OLFM2: variants seen among roughly 807,000 people sequenced by gnomAD.
OLFM2 encodes olfactomedin 2.
Under a neutral mutation model 43.9 loss-of-function variants are expected in OLFM2, and 20 were observed. That is an observed-to-expected ratio of 0.46 (90% CI 0.32 to 0.66). The LOEUF is 0.66. Among genes scored for constraint, OLFM2 ranks in the 30% least tolerant of loss-of-function variants. The pLI, the probability that OLFM2 is intolerant of heterozygous loss-of-function variation, is 0.04. For synonymous variants in OLFM2, 268 were observed against 278.6 expected (o/e 0.96, Z 0.38); for missense variants, 416 against 643.6 (o/e 0.65, Z 3.83).
At chr19:9,922,322 G>C (rs548086628) in intron 1 of OLFM2, among the ~76,000 whole-genome samples, 1 of 152,020 alleles carries the variant, frequency 6.6e-6, no homozygotes, top group East Asian at 1.9e-4. Flanking sequence ...GAAAAAACCA[G>C]ACATCTGAAC....
At chr19:9,874,481 TTTTA>T (rs1418276350) in intron 1 of OLFM2, among the ~76,000 whole-genome samples, 33 of 151,810 alleles carry the variant, frequency 2.2e-4, no homozygotes, top group Admixed American at 1.1e-3. Flanking sequence ...CCGGCTTTTA[TTTTA>T]TTTATTTATT....
At chr19:9,912,499 A>G (rs2046835270) in intron 1 of OLFM2, among the ~76,000 whole-genome samples, 1 of 152,064 alleles carries the variant, frequency 6.6e-6, no homozygotes, top group Non-Finnish European at 1.5e-5. Context: ...AGCCCCCCAA[A>G]CAGATGGAAC....
intron 1 of OLFM2, among the ~76,000 whole-genome samples, chr19:9,868,742 A>G (rs1182354415): frequency 6.6e-6 from 1 of 151,786 alleles, no homozygotes; most frequent in African/African-American, 2.4e-5. Flanking sequence ...GGAGTTTGAG[A>G]CCAGCCTGGG....
intron 1 of OLFM2, among the ~76,000 whole-genome samples, chr19:9,923,388 C>T (rs943361603): frequency 1.3e-5 from 2 of 151,604 alleles, no homozygotes; most frequent in East Asian, 3.9e-4. Flanking sequence ...AATCCTGTCT[C>T]TACTAAAAAT....
At chr19:9,930,574 G>A (rs546008539) in intron 1 of OLFM2, among the ~76,000 whole-genome samples, 8 of 151,846 alleles carry the variant, frequency 5.3e-5, no homozygotes, top group South Asian at 2.1e-4. Context: ...GCCCGGCACC[G>A]TGGCTCACGC....
At chr19:9,876,757 T>C (rs1264859970) in intron 1 of OLFM2, among the ~76,000 whole-genome samples, 1 of 152,160 alleles carries the variant, frequency 6.6e-6, no homozygotes, top group African/African-American at 2.4e-5. Context: ...TTAGAGTATA[T>C]AGCTAAGAAT....
chr19:9,856,788 G>A lies in OLFM2; in HGVS notation c.687+19C>T. The stretch of plus-strand genomic sequence containing the variant: ...GTCCCTCCCAGGCCCTGACCCCAGG[G>A]GTGGGCGCAGTCACTCACCCGGCTA... On this transcript the variant is annotated intron_variant, in intron 5 of 5. Coordinates refer to ENST00000264833, the MANE Select transcript of OLFM2 (RefSeq NM_058164.4). This position sits in a 1 kb window ranked among gnomAD's most constrained non-coding sequence, Gnocchi z 4.0. 6.3e-7 allele frequency: 1 copy of A among 1,598,046 alleles called. No individual in the cohort carries two copies. Among genetic ancestry groups the A allele is most frequent in the African/African-American group, 1.3e-5 (1 of 74,734 alleles).
rs1454056141 is a variant in OLFM2 at position 9,936,484 on chromosome 19, C to T, written c.-118G>A. The T allele has an allele frequency of 2.0e-5, 14 of 705,344 alleles. No homozygotes were observed. The highest frequency in any genetic ancestry group is 2.4e-5 in the Non-Finnish European group (14 of 573,500). The allele number at this position is 705,344 out of a possible 1,614,324, so 43.7% of individuals were successfully genotyped here. ...CGGGGCGACCCTGCGCCGCCGCCTC[C>T]CCCGCCTCGCCGGCGGCCGGGATTC... On this transcript the variant is annotated 5_prime_UTR_variant, in exon 1 of 6. Transcript: ENST00000264833.
intron 1 of OLFM2, among the ~76,000 whole-genome samples, chr19:9,930,156 A>G (rs371700242): frequency 4.6e-5 from 7 of 152,106 alleles, no homozygotes; most frequent in African/African-American, 1.7e-4. Context: ...GTCCCTGAAC[A>G]TGCACACAGT....
At position 9,900,945 on chromosome 19, in the gene OLFM2, G is replaced by GGGAAGGAAGGAAGGAAGGAAGGAAGGAA. The variant is rs762692609; in HGVS notation, c.63+35331_63+35358dup. Among the ~76,000 whole-genome samples the GGGAAGGAAGGAAGGAAGGAAGGAAGGAA allele has an allele frequency of 1.7e-3, 33 of 18,942 alleles. 1 individual carries two copies. The highest frequency in any genetic ancestry group is 3.2e-3 in the Admixed American group (4 of 1,256). 12.4% of individuals were successfully genotyped at this position (18,942 alleles called of 152,430 possible). A position where few individuals can be genotyped will look rare whatever the true frequency, so the allele number is the denominator to read the frequency against. On this transcript the variant is annotated intron_variant, in intron 1 of 5. Coordinates refer to ENST00000264833, the MANE Select transcript of OLFM2 (RefSeq NM_058164.4). ...AAAGGGAAAGGGAAGGGGAGGGAAGGGGAAGGAAGGAAGGAAGGAAGGAAG... is the reference window on the plus strand; with the variant it reads ...AAAGGGAAAGGGAAGGGGAGGGAAGGGGAAGGAAGGAAGGAAGGAAGGAAGGAAGGAAGGAAGGAAGGAAGGAAGGAAG...
chr19:9,918,195 C>A (rs1053875288), intron 1 of OLFM2, among the ~76,000 whole-genome samples: 2 of 146,944 alleles, frequency 1.4e-5, no homozygotes, highest in African/African-American at 5.0e-5. Context: ...GTTCTTTTAT[C>A]TTTTTTTTTA....
chr19:9,874,546 T>C (rs1336616987), intron 1 of OLFM2, among the ~76,000 whole-genome samples: 2 of 152,128 alleles, frequency 1.3e-5, no homozygotes, highest in Non-Finnish European at 2.9e-5. Context: ...AGTGGAGCCA[T>C]CTCGGCTCAC....
chr19:9,879,098 G>A (rs953881502), intron 1 of OLFM2, among the ~76,000 whole-genome samples: 2 of 152,288 alleles, frequency 1.3e-5, no homozygotes, highest in East Asian at 1.9e-4. Context: ...TCCCCTTGCT[G>A]TTCTCCTGAT....
chr19:9,880,983 T>C (rs1244702599), intron 1 of OLFM2, among the ~76,000 whole-genome samples: 1 of 152,110 alleles, frequency 6.6e-6, no homozygotes, highest in Non-Finnish European at 1.5e-5. Flanking sequence ...CTGCAGCCTC[T>C]GCCTCCCAGG....
Position 9,854,558 on chromosome 19 carries a change from C to A in OLFM2, c.993G>T (p.Gly331=). ...GGTTGGTGGTGTACACAGCCCAGAG[C>A]CCGCTCTCGTCCACCATGAAGTCCA... ...SDMDFMVDES[G]LWAVYTTNQN... Residue 331 remains glycine, a synonymous_variant, in exon 6 of 6, where the codon GGG becomes GGT. Coordinates refer to ENST00000264833, the MANE Select transcript of OLFM2 (RefSeq NM_058164.4). The surrounding 1 kb of genome is among the most constrained non-coding windows in gnomAD (Gnocchi z 9.5). 3 of 1,613,876 alleles carry A rather than the reference C, an allele frequency of 1.9e-6. No homozygotes were observed. Among genetic ancestry groups the A allele is most frequent in the Middle Eastern group, 1.6e-4 (1 of 6,062 alleles).
At chr19:9,916,248 T>C (rs1286316035) in intron 1 of OLFM2, among the ~76,000 whole-genome samples, 1 of 151,950 alleles carries the variant, frequency 6.6e-6, no homozygotes, top group African/African-American at 2.4e-5. Flanking sequence ...TCCCAGCTAC[T>C]TGGGAGGTTG....
intron 1 of OLFM2, among the ~76,000 whole-genome samples, chr19:9,930,768 G>A (rs529933638): frequency 1.3e-5 from 2 of 151,260 alleles, no homozygotes; most frequent in African/African-American, 2.4e-5. Flanking sequence ...CAGGAGAATC[G>A]CTTGAACCCG....
At position 9,931,594 on chromosome 19, in the gene OLFM2, G is replaced by A. The variant is rs547099061; in HGVS notation, c.63+4710C>T. ...CACGCCCCTGTAGTCCCAGCTACTC[G>A]GGAGGCTGAGGCACTAGAATCTCTT... On this transcript the variant is annotated intron_variant, in intron 1 of 5. Transcript: ENST00000264833. Among the ~76,000 whole-genome samples, 39 of 151,458 alleles carry A rather than the reference G, an allele frequency of 2.6e-4. 2 individuals are homozygous for A. The South Asian group carries it at 6.7e-3, about 26-fold the overall frequency.
intron 1 of OLFM2, among the ~76,000 whole-genome samples, chr19:9,927,260 C>T (rs190569302): frequency 3.1e-4 from 47 of 151,864 alleles, no homozygotes; most frequent in African/African-American, 1.1e-3. Flanking sequence ...CCAGCCTGGG[C>T]GACAGAGCGA....
Sources: gnomAD v4.1 joint callset for allele counts (sites outside exome capture counted in the v4.1 genomes callset) on GRCh38, gnomAD v4.1.1 for gene constraint, Gnocchi (gnomAD v3.1) non-coding constraint, MANE v1.5 for transcripts, NCBI Gene and HGNC (gene_info 2026-07-23, HGNC 2026-07-21) for gene names.